The following FLVCR1 variants were observed in gnomAD, a reference collection of about 807,000 sequenced individuals.
FLVCR1 encodes choline/ethanolamine transporter FLVCR1.
In FLVCR1, 34 loss-of-function variants were observed where a neutral mutation model predicts 53.6. The observed-to-expected ratio is 0.63, with a 90% CI of 0.48 to 0.84. The LOEUF is 0.84. Among genes scored for constraint, FLVCR1 ranks in the 40% least tolerant of loss-of-function variants. The pLI is 0.00. For missense variants in FLVCR1, 677 were observed against 696.7 expected, an observed-to-expected ratio of 0.97 and a Z score of 0.32; for synonymous variants, 300 against 286.3, an observed-to-expected ratio of 1.05 and a Z score of -0.48.
At chr1:212,888,683 T>TGTC (rs1327334376) in intron 7 of FLVCR1, 89 bp downstream of exon 7, 1 of 1,058,690 alleles carries the variant, frequency 9.4e-7, no homozygotes, top group Non-Finnish European at 1.4e-6. Context: ...TATTTGTTGT[T>TGTC]GTTGTTGTTT....
At chr1:212,873,676 C>G (rs1664671135) in intron 3 of FLVCR1, among the ~76,000 whole-genome samples, 1 of 152,328 alleles carries the variant, frequency 6.6e-6, no homozygotes, top group East Asian at 1.9e-4. Context: ...TTCTTTGTTT[C>G]TTGTGTTAAC....
In FLVCR1 at chr1:212,859,158, A is replaced by G. The variant is rs1664139083; in HGVS notation, c.706A>G (p.Thr236Ala). 1.2e-6 allele frequency: 2 copies of G among 1,613,988 alleles called. No homozygotes were observed. The highest frequency in any genetic ancestry group is 1.7e-6 in the Non-Finnish European group (2 of 1,180,030). Residue 236 changes from threonine to alanine, a missense_variant, in exon 1 of 10, where the codon ACA becomes GCA. Thr to Ala is a moderately conservative substitution (Grantham distance 58, BLOSUM62 0). Transcript: ENST00000366971. ...GTGGTTTGGGCCCAAAGAGGTGTCC[A>G]CAGCTTGTGCCACCGCCGTGCTGGG... is the stretch of plus-strand genomic sequence containing the variant. ...SVWFGPKEVS[T>A]ACATAVLGNQ... is the part of the protein sequence containing the mutation.
In FLVCR1 at chr1:212,898,788, A is replaced by G. The variant is rs532167067; in HGVS notation, c.*3498A>G. 1 of 152,358 alleles carries G rather than the reference A, an allele frequency of 6.6e-6. No individual in the cohort carries two copies. Among genetic ancestry groups the G allele is most frequent in the South Asian group, 2.1e-4 (1 of 4,830 alleles). 9.4% of individuals were successfully genotyped at this position (152,358 alleles called of 1,614,324 possible). The stretch of plus-strand genomic sequence containing the variant: ...TACACAAACCTAGGTGGTAGAGCCT[A>G]CTGCACACCTGGGCTAGATGGCAAA... On this transcript the variant is annotated 3_prime_UTR_variant, in exon 10 of 10. Transcript: ENST00000366971.
rs934139174 is a variant in FLVCR1, at chr1:212,889,410, C to T, written c.1525+153C>T. 3.3e-5 allele frequency among the ~76,000 whole-genome samples: 5 copies of T among 152,216 alleles called. No individual in the cohort carries two copies. In the East Asian group the frequency reaches 7.7e-4, roughly 23 times the overall value. ...TTCTTCTAAAGACATGAATCTCTTA[C>T]TTCATTTTGCAGATTTCAAATTCAA... is the stretch of plus-strand genomic sequence containing the variant. On this transcript the variant is annotated intron_variant, in intron 8 of 9. Coordinates refer to ENST00000366971, the MANE Select transcript of FLVCR1 (RefSeq NM_014053.4).
Position 212,858,302 on chromosome 1 carries a change from C to T in FLVCR1, c.-151C>T. The T allele has an allele frequency of 1.3e-6, 1 of 753,716 alleles. No homozygotes were observed. Among genetic ancestry groups the T allele is most frequent in the Non-Finnish European group, 2.0e-6 (1 of 493,726 alleles). 46.7% of individuals were successfully genotyped at this position (753,716 alleles called of 1,614,324 possible). A position where few individuals can be genotyped will look rare whatever the true frequency, so the allele number is the denominator to read the frequency against. On this transcript the variant is annotated 5_prime_UTR_variant, in exon 1 of 10. Transcript: ENST00000366971. ...ACCTTCATCTGTTCACGCGGTAGCGCGGATTGCGGTTCGCGGCGCGCGCCA... is the reference window on the plus strand; with the variant it reads ...ACCTTCATCTGTTCACGCGGTAGCGTGGATTGCGGTTCGCGGCGCGCGCCA...
In FLVCR1 at chr1:212,863,928, C is replaced by A. The variant is rs995750917; in HGVS notation, c.883+59C>A. On this transcript the variant is annotated intron_variant, in intron 2 of 9. Transcript: ENST00000366971. ...ATGCATGATAGAAATTTGAGAATAA[C>A]TAACTCTGGAAATTTTTGTTGATAA... 6.2e-6 allele frequency: 9 copies of A among 1,440,632 alleles called. No individual in the cohort carries two copies. In the Admixed American group the frequency reaches 1.2e-4, roughly 19 times the overall value. The allele number at this position is 1,440,632 out of a possible 1,614,324, so 89.2% of individuals were successfully genotyped here. A position where few individuals can be genotyped will look rare whatever the true frequency, so the allele number is the denominator to read the frequency against.
chr1:212,876,687 C>T (rs1664762077), intron 3 of FLVCR1, among the ~76,000 whole-genome samples: 1 of 152,102 alleles, frequency 6.6e-6, no homozygotes, highest in African/African-American at 2.4e-5. Flanking sequence ...TTTTTGGCTG[C>T]ATAGTATTCC....
In FLVCR1 at chr1:212,858,418, G is replaced by T. The variant is rs1459651962; in HGVS notation, c.-35G>T. 9.8e-6 allele frequency: 14 copies of T among 1,426,974 alleles called. No individual in the cohort carries two copies. The African/African-American group carries it at 1.7e-4, about 18-fold the overall frequency. The allele number at this position is 1,426,974 out of a possible 1,614,324, so 88.4% of individuals were successfully genotyped here. A position where few individuals can be genotyped will look rare whatever the true frequency, so the allele number is the denominator to read the frequency against. The stretch of plus-strand genomic sequence containing the variant: ...CGGGAGAGCGGAGTCGGGGAGTGGG[G>T]CGGGGGAGCGAGGTGGCGCCGGGGA... On this transcript the variant is annotated 5_prime_UTR_variant, in exon 1 of 10. Transcript: ENST00000366971.
Position 212,858,806 on chromosome 1 carries a change from G to A in FLVCR1, c.354G>A (p.Ser118=), listed in dbSNP as rs752628417. ...FVVLLIFSLY[S]LVNAFQWIQY... is the part of the protein sequence containing the mutation. ...TGCTCCTGATCTTCAGCCTGTACTC[G>A]CTGGTCAACGCCTTTCAGTGGATCC... is the stretch of plus-strand genomic sequence containing the variant. The change falls in exon 1 of 10, where the codon TCG becomes TCA. Residue 118 remains serine (S), a synonymous_variant. Transcript: ENST00000366971. 1.2e-6 allele frequency: 2 copies of A among 1,614,204 alleles called. No homozygotes were observed. Among genetic ancestry groups the A allele is most frequent in the African/African-American group, 2.7e-5 (2 of 75,060 alleles).
Position 212,858,338 on chromosome 1 carries a change from AGCGGTGG to A in FLVCR1, c.-112_-106del. 3 of 1,028,570 alleles carry A rather than the reference AGCGGTGG, an allele frequency of 2.9e-6. No individual in the cohort carries two copies. In the South Asian group the frequency reaches 5.7e-5, roughly 19 times the overall value. 63.7% of individuals were successfully genotyped at this position (1,028,570 alleles called of 1,614,324 possible). A position where few individuals can be genotyped will look rare whatever the true frequency, so the allele number is the denominator to read the frequency against. ...TCGCGGCGCGCGCCACCGGGGAAGG[AGCGGTGG>A]GCCGAGGGGTTGGAGGTGGGGCCCC... On this transcript the variant is annotated 5_prime_UTR_variant, in exon 1 of 10. Coordinates refer to ENST00000366971, the MANE Select transcript of FLVCR1 (RefSeq NM_014053.4).
chr1:212,861,087 G>A (rs1355448955), intron 1 of FLVCR1, among the ~76,000 whole-genome samples: 3 of 152,062 alleles, frequency 2.0e-5, no homozygotes, highest in African/African-American at 7.2e-5. Flanking sequence ...TTGTCCTTAG[G>A]ATAAAATTCA....
intron 3 of FLVCR1, among the ~76,000 whole-genome samples, chr1:212,881,192 A>G (rs1664916320): frequency 6.6e-6 from 1 of 152,180 alleles, no homozygotes; most frequent in East Asian, 1.9e-4. Context: ...ACATCATACC[A>G]TGCATAAAAA....
rs775510021 is a variant in FLVCR1 at position 212,885,568 on chromosome 1, TGAGAC to T, written c.1196+174_1196+178del. The T allele has an allele frequency of 5.5e-3, 2,551 of 459,794 alleles. 20 individuals are homozygous for T. The highest frequency in any genetic ancestry group is 0.015 in the South Asian group (639 of 42,420). The allele number at this position is 459,794 out of a possible 1,614,324, so 28.5% of individuals were successfully genotyped here. On this transcript the variant is annotated intron_variant, in intron 5 of 9. Coordinates refer to ENST00000366971, the MANE Select transcript of FLVCR1 (RefSeq NM_014053.4). ...AGTGTTTCTTTTTTTTTTTTTTTTT[TGAGAC>T]GGAGTCTCGTTCTGTCGCCCAGGCT...
chr1:212,880,232 C>T lies in FLVCR1; in HGVS notation c.1025-3139C>T, dbSNP rs114266884. ...TAAGTGTTGTTAACAAGTTTTTAGACGAGCTATAGGTCTCATCCTTTAATC... is the reference window on the plus strand; with the variant it reads ...TAAGTGTTGTTAACAAGTTTTTAGATGAGCTATAGGTCTCATCCTTTAATC... On this transcript the variant is annotated intron_variant, in intron 3 of 9. Transcript: ENST00000366971. Among the ~76,000 whole-genome samples, 415 of 152,180 alleles carry T rather than the reference C, an allele frequency of 2.7e-3. 3 individuals are homozygous for T. The highest frequency in any genetic ancestry group is 9.3e-3 in the African/African-American group (384 of 41,498).
intron 3 of FLVCR1, among the ~76,000 whole-genome samples, chr1:212,873,798 A>G (rs532460889): frequency 1.3e-5 from 2 of 152,332 alleles, no homozygotes; most frequent in South Asian, 4.1e-4. Flanking sequence ...TAGTACATAA[A>G]TGTTTTACAA....
chr1:212,861,936 C>T (rs958180262), intron 1 of FLVCR1, among the ~76,000 whole-genome samples: 2 of 152,112 alleles, frequency 1.3e-5, no homozygotes, highest in South Asian at 4.1e-4. Flanking sequence ...TCCCAAAGTG[C>T]TGGGATTACA....
intron 8 of FLVCR1, among the ~76,000 whole-genome samples, chr1:212,890,490 A>G (rs1665164463): frequency 6.6e-6 from 1 of 152,218 alleles, no homozygotes; most frequent in Admixed American, 6.5e-5. Context: ...AAATCTCATA[A>G]TGTTTTTTAA....
At chr1:212,894,949 T>A in intron 8 of FLVCR1, 37 bp from the exon 9 acceptor site, 2 of 1,436,476 alleles carry the variant, frequency 1.4e-6, no homozygotes, top group Non-Finnish European at 2.0e-6. Flanking sequence ...AATCTTCACA[T>A]AACAGTTTAT....
At chr1:212,891,028 A>G (rs1274675113) in intron 8 of FLVCR1, among the ~76,000 whole-genome samples, 1 of 152,204 alleles carries the variant, frequency 6.6e-6, no homozygotes, top group Admixed American at 6.5e-5. Flanking sequence ...GAAATATGTA[A>G]TACATTAACT....
Sources: allele counts gnomAD v4.1 joint callset (sites outside exome capture counted in the v4.1 genomes callset), GRCh38; gene constraint gnomAD v4.1.1; transcripts MANE v1.5; gene names NCBI Gene and HGNC (gene_info 2026-07-23, HGNC 2026-07-21).